Variants in PIN4 observed in about 807,000 individuals in gnomAD.
PIN4 encodes the protein peptidylprolyl cis/trans isomerase, NIMA-interacting 4, also known as peptidyl-prolyl cis-trans isomerase NIMA-interacting 4.
Under a neutral mutation model 8.3 loss-of-function variants are expected in PIN4, and 3 were observed. The observed-to-expected ratio is 0.36, with a 90% CI of 0.16 to 0.93. PIN4 has a LOEUF of 0.93. Among genes scored for constraint, PIN4 ranks in the 40% least tolerant of loss-of-function variants. The pLI is 0.44. For synonymous variants in PIN4, 18 were observed against 32.5 expected, an observed-to-expected ratio of 0.55 and a Z score of 1.52; for missense variants, 75 against 100.6, an observed-to-expected ratio of 0.75 and a Z score of 1.09.
In PIN4 at chrX:72,204,067, G is replaced by A. The variant is rs369569215; in HGVS notation, c.312+7163G>A. On this transcript the variant is annotated intron_variant, in intron 3 of 3. Transcript: ENST00000423432. ...TCCAGGGCAAGCTACCAGTGATAAA[G>A]AATCCTAGCACCAGGTACCTAGCTC... is the stretch of plus-strand genomic sequence containing the variant. Among the ~76,000 whole-genome samples, 37 of 112,133 alleles carry A rather than the reference G, an allele frequency of 3.3e-4. No homozygotes were observed. The East Asian group carries it at 7.9e-3, about 24-fold the overall frequency.
At chrX:72,217,883 C>T (rs1249688745) in intron 3 of PIN4, among the ~76,000 whole-genome samples, 2 of 111,950 alleles carry the variant, frequency 1.8e-5, no homozygotes, top group Non-Finnish European at 3.8e-5. Context: ...TATGCAAGTA[C>T]CACACTGTCT....
intron 1 of PIN4, among the ~76,000 whole-genome samples, chrX:72,183,436 G>A (rs1271676185): frequency 8.9e-6 from 1 of 111,926 alleles, no homozygotes; most frequent in Non-Finnish European, 1.9e-5. Flanking sequence ...GAGAGCAGAG[G>A]ATGTGATCCT....
chrX:72,232,746 G>A (rs1488414810), intron 3 of PIN4, among the ~76,000 whole-genome samples: 1 of 111,836 alleles, frequency 8.9e-6, no homozygotes, highest in Non-Finnish European at 1.9e-5. Flanking sequence ...GGAGGTGGAG[G>A]TTGCAGTGAG....
rs745987590 is a variant in PIN4, at chrX:72,205,966, C to G, written c.312+9062C>G. 3.3e-6 allele frequency: 4 copies of G among 1,209,941 alleles called. No individual in the cohort carries two copies. In the East Asian group the frequency reaches 1.2e-4, roughly 36 times the overall value. On this transcript the variant is annotated intron_variant, in intron 3 of 3. Coordinates refer to the PIN4 transcript ENST00000423432. Reference sequence around the variant, plus strand: ...AGGTTCCTCTTCCAACTTGGCCTCACTTGCTTGAGCATCCTGCAGTGCACT... The same window carrying G: ...AGGTTCCTCTTCCAACTTGGCCTCAGTTGCTTGAGCATCCTGCAGTGCACT...
chrX:72,182,942 G>A (rs2042681427), intron 1 of PIN4, among the ~76,000 whole-genome samples: 1 of 112,029 alleles, frequency 8.9e-6, no homozygotes, highest in Non-Finnish European at 1.9e-5. Flanking sequence ...GACAGTTAAG[G>A]ATCAGAAAGA....
In PIN4 at chrX:72,196,813, G is replaced by A. The variant is rs2042768627; in HGVS notation, c.146G>A (p.Gly49Asp). ...KVRHILCEKH[G>D]KIMEAMEKLK... is the part of the protein sequence containing the mutation. ...AGACACATTCTATGTGAAAAACATG[G>A]CAAAATCATGGAAGCCATGGAAAAG... Residue 49 changes from glycine to aspartate, a missense_variant, in exon 3 of 4, where the codon GGC becomes GAC. Physicochemically the swap from Gly to Asp is moderately conservative, Grantham distance 94. Coordinates refer to ENST00000373669, the MANE Select transcript of PIN4 (RefSeq NM_006223.4). 3.3e-6 allele frequency: 4 copies of A among 1,201,569 alleles called. No individual in the cohort carries two copies. In the African/African-American group the frequency reaches 5.3e-5, roughly 16 times the overall value.
At chrX:72,206,447 T>C in intron 3 of PIN4, 8 of 1,211,003 alleles carry the variant, frequency 6.6e-6, no homozygotes, top group Non-Finnish European at 8.9e-6. Context: ...ATGACTACAC[T>C]TGCCATTTTG....
At chrX:72,260,925 C>G (rs1206893279) in intron 3 of PIN4, among the ~76,000 whole-genome samples, 1 of 111,949 alleles carries the variant, frequency 8.9e-6, no homozygotes, top group African/African-American at 3.2e-5. Flanking sequence ...AAGGCAAAAG[C>G]CTTCCGCGGC....
intron 1 of PIN4, among the ~76,000 whole-genome samples, chrX:72,184,747 T>C (rs1383776341): frequency 9.0e-6 from 1 of 111,552 alleles, no homozygotes; most frequent in Non-Finnish European, 1.9e-5. Flanking sequence ...TATTTGGGGT[T>C]TTCAGTTTAA....
At chrX:72,203,449 T>A (rs2042799149) in intron 3 of PIN4, among the ~76,000 whole-genome samples, 1 of 111,607 alleles carries the variant, frequency 9.0e-6, no homozygotes, top group African/African-American at 3.3e-5. Flanking sequence ...GCCACTGACG[T>A]CTGAAGTGAG....
chrX:72,224,644 C>G (rs2033763346), intron 3 of PIN4, among the ~76,000 whole-genome samples: 1 of 111,350 alleles, frequency 9.0e-6, no homozygotes, highest in South Asian at 3.8e-4. Flanking sequence ...TACTCGGAGG[C>G]TGAGGCAAGA....
At chrX:72,240,892 G>T (rs970651080) in intron 3 of PIN4, among the ~76,000 whole-genome samples, 1 of 110,897 alleles carries the variant, frequency 9.0e-6, no homozygotes, top group Non-Finnish European at 1.9e-5. Context: ...TTATTAAGAG[G>T]CCTTTTAGTA....
chrX:72,228,159 A>G (rs1240487648), intron 3 of PIN4, among the ~76,000 whole-genome samples: 1 of 112,490 alleles, frequency 8.9e-6, no homozygotes, highest in Non-Finnish European at 1.9e-5. Context: ...ACACAGCAGT[A>G]GGGTGGAAGC....
chrX:72,253,984 AAAAAG>A (rs750371906), intron 3 of PIN4, among the ~76,000 whole-genome samples: 37 of 110,888 alleles, frequency 3.3e-4, no homozygotes, highest in African/African-American at 6.9e-4. Context: ...AAAATAAAAG[AAAAAG>A]AAAAGAAAAG....
downstream of PIN4, among the ~76,000 whole-genome samples, chrX:72,199,582 G>T (rs1022663124): frequency 8.9e-6 from 1 of 111,830 alleles, no homozygotes; most frequent in African/African-American, 3.2e-5. Flanking sequence ...CTAAATAAGG[G>T]CAGTAAATTC....
At chrX:72,219,576 G>C (rs1206957846) in intron 3 of PIN4, among the ~76,000 whole-genome samples, 1 of 108,673 alleles carries the variant, frequency 9.2e-6, no homozygotes, top group Non-Finnish European at 1.9e-5. Context: ...GACTAGGCGT[G>C]ATAGCTCATG....
At chrX:72,211,311 C>A (rs2042852497) in intron 3 of PIN4, among the ~76,000 whole-genome samples, 1 of 110,079 alleles carries the variant, frequency 9.1e-6, no homozygotes. Context: ...GGAGGAGTAA[C>A]CAGTTCAGGA....
downstream of PIN4, among the ~76,000 whole-genome samples, chrX:72,203,240 C>A (rs775731344): frequency 8.9e-6 from 1 of 111,803 alleles, no homozygotes; most frequent in Non-Finnish European, 1.9e-5. Flanking sequence ...CCATACCTTG[C>A]CCTACACATC....
chrX:72,225,501 C>G (rs1205211832), intron 3 of PIN4, among the ~76,000 whole-genome samples: 1 of 112,332 alleles, frequency 8.9e-6, no homozygotes, highest in Non-Finnish European at 1.9e-5. Context: ...AGTCTCATAC[C>G]TAGGATTAAT....
Sources: allele counts gnomAD v4.1 joint callset (sites outside exome capture counted in the v4.1 genomes callset), GRCh38; gene constraint gnomAD v4.1.1; transcripts MANE v1.5; gene names NCBI Gene and HGNC (gene_info 2026-07-23, HGNC 2026-07-21).